The following STXBP4 variants were observed in gnomAD, a reference collection of about 807,000 sequenced individuals.
STXBP4 encodes the protein syntaxin-binding protein 4.
STXBP4 carries 55 observed loss-of-function variants against 76.1 expected under a neutral mutation model. That is an observed-to-expected ratio of 0.72 (90% confidence interval 0.58 to 0.91). STXBP4 has a LOEUF of 0.91. Among genes scored for constraint, STXBP4 ranks in the 40% least tolerant of loss-of-function variants. STXBP4 has a pLI of 0.00. For missense variants in STXBP4, 618 were observed against 636.9 expected (o/e 0.97, Z 0.32); for synonymous variants, 201 against 220.2 (o/e 0.91, Z 0.77).
intron 17 of STXBP4, among the ~76,000 whole-genome samples, chr17:55,158,262 C>T (rs533171240): frequency 1.5e-4 from 23 of 152,240 alleles, no homozygotes; most frequent in South Asian, 4.1e-4. Flanking sequence ...TTAAAACTCT[C>T]GGGAACATAC....
chr17:55,028,665 A>T (rs1326351711), intron 8 of STXBP4, among the ~76,000 whole-genome samples: 1 of 152,208 alleles, frequency 6.6e-6, no homozygotes, highest in Non-Finnish European at 1.5e-5. Flanking sequence ...AACCTCATGT[A>T]TGAAAATTTA....
chr17:55,031,382 TC>T, intron 9 of STXBP4, 118 bp downstream of exon 9: 1 of 839,108 alleles, frequency 1.2e-6, no homozygotes, highest in Non-Finnish European at 1.9e-6. Flanking sequence ...TAAAACTACA[TC>T]CATTTCAAGG....
intron 7 of STXBP4, among the ~76,000 whole-genome samples, chr17:55,001,911 C>T (rs997673670): frequency 1.1e-4 from 17 of 152,274 alleles, no homozygotes; most frequent in African/African-American, 4.1e-4. Context: ...GGATGACAGG[C>T]GTGAGCCACC....
In STXBP4 at chr17:55,142,084, G is replaced by A. The variant is rs750856928; in HGVS notation, c.1547+717G>A. Among the ~76,000 whole-genome samples the A allele has an allele frequency of 2.0e-5, 3 of 152,124 alleles. No homozygotes were observed. In the East Asian group the frequency reaches 5.8e-4, roughly 29 times the overall value. On this transcript the variant is annotated intron_variant, in intron 17 of 17. Transcript: ENST00000376352. ...CTACTTAATTACCAAGTCAGAACTA[G>A]AGTCAAAGTCTTCTGACCGCAAGAT...
At chr17:55,192,819 T>C in the STXBP4 span, among the ~76,000 whole-genome samples, 1 of 152,292 alleles carries the variant, frequency 6.6e-6, no homozygotes, top group Non-Finnish European at 1.5e-5. Flanking sequence ...AAGGCTGGAT[T>C]CAAACCTGAA....
chr17:55,040,483 C>A (rs1598252378), intron 10 of STXBP4, among the ~76,000 whole-genome samples: 1 of 152,106 alleles, frequency 6.6e-6, no homozygotes, highest in East Asian at 1.9e-4. Context: ...CTGAAGTTAA[C>A]TGTTTTGTAA....
the STXBP4 span, among the ~76,000 whole-genome samples, chr17:55,204,735 T>G: frequency 6.6e-6 from 1 of 152,004 alleles, no homozygotes; most frequent in Admixed American, 6.6e-5. Flanking sequence ...GGCTCAACTA[T>G]ATGAACCTAC....
intron 16 of STXBP4, among the ~76,000 whole-genome samples, chr17:55,089,501 CT>C (rs2079382635): frequency 6.6e-6 from 1 of 152,164 alleles, no homozygotes; most frequent in Admixed American, 6.5e-5. Flanking sequence ...AAACTTTTGT[CT>C]GTTCTGTCAT....
rs1210433717 is a variant in STXBP4, at chr17:55,170,831, G to A, written c.*10920G>A. On this transcript the variant is annotated 3_prime_UTR_variant, in exon 18 of 18. Coordinates refer to ENST00000376352, the MANE Select transcript of STXBP4 (RefSeq NM_178509.6). ...TTGTGTGGTCAGATTCACTGCATTT[G>A]ATGCTTTTTCAGGATTTGTTTTTCC... The A allele has an allele frequency of 6.6e-6, 1 of 152,186 alleles. No individual in the cohort carries two copies. Among genetic ancestry groups the A allele is most frequent in the Non-Finnish European group, 1.5e-5 (1 of 68,020 alleles). 9.4% of individuals were successfully genotyped at this position (152,186 alleles called of 1,614,324 possible).
At chr17:54,984,486 G>C (rs1176534027) in intron 1 of STXBP4, among the ~76,000 whole-genome samples, 2 of 151,634 alleles carry the variant, frequency 1.3e-5, no homozygotes, top group Non-Finnish European at 2.9e-5. Context: ...GGGACTACAG[G>C]CGCTGCCACC....
the STXBP4 span, among the ~76,000 whole-genome samples, chr17:55,191,509 C>T: frequency 6.6e-6 from 1 of 152,184 alleles, no homozygotes; most frequent in Non-Finnish European, 1.5e-5. Flanking sequence ...CCCTCAACAA[C>T]TTCAACCTAA....
chr17:55,123,623 A>G (rs921037139), intron 16 of STXBP4, among the ~76,000 whole-genome samples: 3 of 152,154 alleles, frequency 2.0e-5, no homozygotes, highest in Non-Finnish European at 4.4e-5. Flanking sequence ...AGGATGGGCC[A>G]GGTGCGGTGG....
At chr17:55,062,577 A>G (rs1248759057) in intron 12 of STXBP4, among the ~76,000 whole-genome samples, 1 of 152,118 alleles carries the variant, frequency 6.6e-6, no homozygotes, top group African/African-American at 2.4e-5. Flanking sequence ...GTGTGTCTTT[A>G]TAGTAGAATG....
At chr17:55,108,400 T>C (rs2079662991) in intron 16 of STXBP4, among the ~76,000 whole-genome samples, 1 of 152,130 alleles carries the variant, frequency 6.6e-6, no homozygotes, top group African/African-American at 2.4e-5. Flanking sequence ...TTCAGCTCCC[T>C]TTCCAGGGGA....
chr17:55,205,445 A>G, the STXBP4 span, among the ~76,000 whole-genome samples: 1 of 152,136 alleles, frequency 6.6e-6, no homozygotes, highest in Non-Finnish European at 1.5e-5. Flanking sequence ...ATTTGTCTAC[A>G]TTATATAAAA....
Position 55,167,896 on chromosome 17 carries a change from T to C in STXBP4, c.*7985T>C, listed in dbSNP as rs1034442579. 4 of 152,136 alleles carry C rather than the reference T, an allele frequency of 2.6e-5. No homozygotes were observed. The highest frequency in any genetic ancestry group is 9.7e-5 in the African/African-American group (4 of 41,432). 9.4% of individuals were successfully genotyped at this position (152,136 alleles called of 1,614,324 possible). On this transcript the variant is annotated 3_prime_UTR_variant, in exon 18 of 18. Transcript: ENST00000376352. ...AGGAAGACAAAACAAATTGAGTAGATAATAAAGTTACCTTATAGGAATAGG... is the reference window on the plus strand; with the variant it reads ...AGGAAGACAAAACAAATTGAGTAGACAATAAAGTTACCTTATAGGAATAGG...
At chr17:55,176,127 A>G (rs1341986113), downstream of STXBP4, among the ~76,000 whole-genome samples, 1 of 152,230 alleles carries the variant, frequency 6.6e-6, no homozygotes, top group Non-Finnish European at 1.5e-5. Flanking sequence ...TTCTAGGGGC[A>G]CAGATGCTGC....
the STXBP4 span, among the ~76,000 whole-genome samples, chr17:55,185,956 T>C: frequency 0.026 from 3,890 of 152,288 alleles, 134 homozygotes; most frequent in African/African-American, 0.085. Context: ...GGACCCAGGA[T>C]CCATGTGTGG....
chr17:55,140,120 A>G (rs1254143790), intron 16 of STXBP4, among the ~76,000 whole-genome samples: 1 of 152,126 alleles, frequency 6.6e-6, no homozygotes, highest in African/African-American at 2.4e-5. Context: ...CTTGGGCAAC[A>G]TAGTGAGATC....
Sources: allele counts gnomAD v4.1 joint callset (sites outside exome capture counted in the v4.1 genomes callset), GRCh38; gene constraint gnomAD v4.1.1; transcripts MANE v1.5; gene names NCBI Gene and HGNC (gene_info 2026-07-23, HGNC 2026-07-21).